The following ROBO4 variants were observed in gnomAD, a reference collection of about 807,000 sequenced individuals.
ROBO4 encodes the protein roundabout homolog 4.
ROBO4 carries 80 observed loss-of-function variants against 103.3 expected under a neutral mutation model. The observed-to-expected ratio is 0.77, with a 90% CI of 0.65 to 0.93. ROBO4 has a LOEUF of 0.93. Ranked by LOEUF, ROBO4 falls within the 40% of genes least tolerant of loss-of-function variation. The pLI is 0.00. For missense variants in ROBO4, 1,333 were observed against 1,305.3 expected, an observed-to-expected ratio of 1.02 and a Z score of -0.33; for synonymous variants, 504 against 529.7, an observed-to-expected ratio of 0.95 and a Z score of 0.67.
rs754944140 is a variant in ROBO4, at chr11:124,897,032, G to A, written c.300C>T (p.His100=). ...LLQPPARGHA[H]DGQALSTDLG... ...GGTCTGTGGACAGGGCCTGGCCATC[G>A]TGGGCATGTCCCCGGGCAGGGGGCT... is the stretch of plus-strand genomic sequence containing the variant. Residue 100 remains histidine, a synonymous_variant, in exon 2 of 18, where the codon CAC becomes CAT. Coordinates refer to ENST00000306534, the MANE Select transcript of ROBO4 (RefSeq NM_019055.6). 1.7e-5 allele frequency: 27 copies of A among 1,614,022 alleles called. No individual in the cohort carries two copies. The highest frequency in any genetic ancestry group is 1.9e-5 in the Non-Finnish European group (22 of 1,179,964).
chr11:124,886,877 G>A, intron 15 of ROBO4, 55 bp from the exon 16 acceptor site: 13 of 1,530,216 alleles, frequency 8.5e-6, no homozygotes, highest in Non-Finnish European at 1.1e-5. Context: ...GAGGGTTGTA[G>A]TAACAGAAAA....
At position 124,895,854 on chromosome 11, in the gene ROBO4, A is replaced by G; in HGVS notation, c.738T>C (p.Asn246=). The part of the protein sequence containing the change: ...ELLAVRIQLE[N]VTLLNPDPAE... ...CAGGATCCGGGTTCAGCAGTGTCAC[A>G]TTTTCCAGCTGAATTCGCACAGCCA... The change falls in exon 5 of 18, where the codon AAT becomes AAC. Residue 246 remains asparagine (N), a synonymous_variant. Coordinates refer to ENST00000306534, the MANE Select transcript of ROBO4 (RefSeq NM_019055.6). 6 of 1,613,936 alleles carry G rather than the reference A, an allele frequency of 3.7e-6. No individual in the cohort carries two copies. Among genetic ancestry groups the G allele is most frequent in the Non-Finnish European group, 5.1e-6 (6 of 1,179,976 alleles).
At chr11:124,888,039 G>T (rs564164928) in intron 12 of ROBO4, among the ~76,000 whole-genome samples, 199 bp from the exon 13 acceptor site, 1 of 152,366 alleles carries the variant, frequency 6.6e-6, no homozygotes, top group South Asian at 2.1e-4. Context: ...TAGGCTTGGG[G>T]TCAAAAGACC....
chr11:124,894,534 A>T, intron 7 of ROBO4, 165 bp from the exon 8 acceptor site: 3 of 630,040 alleles, frequency 4.8e-6, no homozygotes, highest in Admixed American at 6.0e-5. Flanking sequence ...CAAGTGAGAG[A>T]TACCTCTCTC....
chr11:124,886,829 A>G lies in ROBO4; in HGVS notation c.2436-7T>C, dbSNP rs1026912290. ...CATGGGAGAGACGCTGTTCCTAGGG[A>G]GAGGCAAAAGGGGAGACAGCAATGG... On this transcript the variant is annotated splice_region_variant and splice_polypyrimidine_tract_variant and intron_variant, in intron 15 of 17. Coordinates refer to ENST00000306534, the MANE Select transcript of ROBO4 (RefSeq NM_019055.6). 3.3e-6 allele frequency: 5 copies of G among 1,529,462 alleles called. No homozygotes were observed. Among genetic ancestry groups the G allele is most frequent in the Non-Finnish European group, 4.4e-6 (5 of 1,136,568 alleles). 94.7% of individuals were successfully genotyped at this position (1,529,462 alleles called of 1,614,324 possible).
intron 6 of ROBO4, 127 bp from the exon 7 acceptor site, chr11:124,895,320 C>T (rs1946865765): frequency 3.4e-6 from 4 of 1,161,382 alleles, no homozygotes; most frequent in South Asian, 2.8e-5. Context: ...GCTCTGCTGG[C>T]CTGGCCAGGG....
intron 12 of ROBO4, among the ~76,000 whole-genome samples, chr11:124,889,210 A>C (rs1268191989): frequency 6.6e-6 from 1 of 152,166 alleles, no homozygotes; most frequent in Non-Finnish European, 1.5e-5. Context: ...TATAGCTTTC[A>C]TATGACCCAG....
chr11:124,891,019 T>G (rs1658425573), intron 12 of ROBO4, among the ~76,000 whole-genome samples: 1 of 152,224 alleles, frequency 6.6e-6, no homozygotes, highest in African/African-American at 2.4e-5. Flanking sequence ...TGGTGCTTAT[T>G]AAACGTTTGC....
Position 124,885,214 on chromosome 11 carries a change from A to T in ROBO4, c.2828T>A (p.Ile943Asn). 1 of 1,613,286 alleles carries T rather than the reference A, an allele frequency of 6.2e-7. No homozygotes were observed. The highest frequency in any genetic ancestry group is 8.5e-7 in the Non-Finnish European group (1 of 1,179,990). Reference sequence around the variant, plus strand: ...CAGGGAGAGGTTGGGGGTCAGGAAGATCTCATCCCGTGGGGAGGGAGGTGA... The same window carrying T: ...CAGGGAGAGGTTGGGGGTCAGGAAGTTCTCATCCCGTGGGGAGGGAGGTGA... The part of the protein sequence containing the change: ...ASSPPSPRDE[I>N]FLTPNLSLPL... The change falls in exon 17 of 18, where the codon ATC (isoleucine) becomes AAC (asparagine). Residue 943 changes from isoleucine (I) to asparagine (N), a missense_variant. Transcript: ENST00000306534.
intron 1 of ROBO4, 73 bp from the exon 2 acceptor site, chr11:124,897,334 G>T (rs1946911658): frequency 1.8e-6 from 2 of 1,134,088 alleles, no homozygotes; most frequent in Non-Finnish European, 2.4e-6. Context: ...CCCCTCATCT[G>T]TCTTCTCTTG....
chr11:124,895,151 T>C lies in ROBO4; in HGVS notation c.1079A>G (p.Asn360Ser). 6.2e-7 allele frequency: 1 copy of C among 1,614,082 alleles called. No homozygotes were observed. The highest frequency in any genetic ancestry group is 1.3e-5 in the African/African-American group (1 of 75,004). ...PPQEVTLKPGNGTVFVSWVPP... is the reference protein window; with the variant it reads ...PPQEVTLKPGSGTVFVSWVPP... ...GACCCAGCTCACAAAGACAGTGCCATTGCCAGGCTTTAGAGTCACTTCCTG... is the reference window on the plus strand; with the variant it reads ...GACCCAGCTCACAAAGACAGTGCCACTGCCAGGCTTTAGAGTCACTTCCTG... The change falls in exon 7 of 18, where the codon AAT becomes AGT. Residue 360 changes from asparagine (N) to serine (S), a missense_variant. Transcript: ENST00000306534.
At chr11:124,886,279 A>G in intron 16 of ROBO4, 185 bp downstream of exon 16, 1 of 567,830 alleles carries the variant, frequency 1.8e-6, no homozygotes. Flanking sequence ...CCTCATTAGG[A>G]TAAGAGAGAT....
chr11:124,886,245 A>G (rs1946709035), intron 16 of ROBO4: 2 of 471,538 alleles, frequency 4.2e-6, no homozygotes, highest in Admixed American at 3.8e-5. Context: ...GGGCAAGCCA[A>G]TAAAATTATC....
At chr11:124,894,594 TA>T (rs1946852308) in intron 7 of ROBO4, 2 of 547,214 alleles carry the variant, frequency 3.7e-6, no homozygotes, top group East Asian at 6.0e-5. Context: ...ACATGTAACA[TA>T]GCAATTCTCA....
intron 10 of ROBO4, 56 bp from the exon 11 acceptor site, chr11:124,891,858 T>A (rs1187244737): frequency 3.1e-6 from 5 of 1,597,258 alleles, no homozygotes; most frequent in Non-Finnish European, 4.3e-6. Context: ...AGTGAGAACC[T>A]TTTTGGCCAA....
chr11:124,884,451 G>C lies in ROBO4; in HGVS notation c.*440C>G. On this transcript the variant is annotated 3_prime_UTR_variant, in exon 18 of 18. Transcript: ENST00000306534. The stretch of plus-strand genomic sequence containing the variant: ...GAGTTGAGCTCTTCTCTAGAGGAGG[G>C]GCCCAGGTAAGGCTGAGAGGGGGCT... 1 of 204,912 alleles carries C rather than the reference G, an allele frequency of 4.9e-6. No homozygotes were observed. Among genetic ancestry groups the C allele is most frequent in the Non-Finnish European group, 9.9e-6 (1 of 101,282 alleles). The allele number at this position is 204,912 out of a possible 1,614,324, so 12.7% of individuals were successfully genotyped here.
At chr11:124,897,661 G>T (rs1447173094) in intron 1 of ROBO4, 65 bp downstream of exon 1, 17 of 1,431,680 alleles carry the variant, frequency 1.2e-5, no homozygotes, top group Non-Finnish European at 1.7e-5. Flanking sequence ...CAGTCAGCAG[G>T]CCCCTTCTGC....
chr11:124,887,019 A>T lies in ROBO4; in HGVS notation c.2393T>A (p.Val798Glu), dbSNP rs772460647. Reference protein sequence around the residue: ...DQDSVLTPEEVALCLELSEGE... With the variant: ...DQDSVLTPEEEALCLELSEGE... ...CTCACTGAGTTCCAAGCACAGGGCT[A>T]CCTCCTCAGGGGTCAGCACGCTGTC... Residue 798 changes from valine to glutamate, a missense_variant, in exon 15 of 18, where the codon GTA (valine) becomes GAA (glutamate). Coordinates refer to ENST00000306534, the MANE Select transcript of ROBO4 (RefSeq NM_019055.6). 3 of 1,613,600 alleles carry T rather than the reference A, an allele frequency of 1.9e-6. No homozygotes were observed.
intron 16 of ROBO4, among the ~76,000 whole-genome samples, chr11:124,885,580 GT>G (rs5795436): frequency 2.0e-3 from 290 of 141,978 alleles, no homozygotes; most frequent in African/African-American, 3.3e-3. Context: ...CCACAAGCCT[GT>G]TTTTTTTTTT....
Sources: allele counts gnomAD v4.1 joint callset (sites outside exome capture counted in the v4.1 genomes callset), GRCh38; gene constraint gnomAD v4.1.1; transcripts MANE v1.5; gene names NCBI Gene and HGNC (gene_info 2026-07-23, HGNC 2026-07-21).